The following ZNF710 variants were observed in gnomAD, a reference collection of about 807,000 sequenced individuals.
The protein encoded by ZNF710 is zinc finger protein 710.
ZNF710 carries 13 observed loss-of-function variants against 50.6 expected under a neutral mutation model. The ratio of observed to expected loss-of-function variants is 0.26; its 90% CI spans 0.17 to 0.41. ZNF710 has a LOEUF of 0.41. Ranked by LOEUF, ZNF710 falls within the 10% of genes least tolerant of loss-of-function variation. The probability of loss-of-function intolerance (pLI) is 1.00; values close to 1 mark genes in which losing one functional copy is unlikely to be tolerated. For synonymous variants in ZNF710, 383 were observed against 397.0 expected (o/e 0.96, Z 0.42); for missense variants, 721 against 936.6 (o/e 0.77, Z 3.01).
Position 90,068,123 on chromosome 15 carries a change from G to T in ZNF710, c.986G>T (p.Ser329Ile). 6.2e-7 allele frequency: 1 copy of T among 1,614,256 alleles called. No homozygotes were observed. ...AAGCCACACTCGTGCCCACACTGCA[G>T]CAAGCTCTTCAAGCAGCCCAGCCAC... The part of the protein sequence containing the change: ...GIKPHSCPHC[S>I]KLFKQPSHLQ... Residue 329 changes from serine to isoleucine, a missense_variant, in exon 2 of 5, where the codon AGC becomes ATC. This residue lies in a region of ZNF710 where 326 missense variants were observed against 522.0 expected (regional missense o/e 0.62). Transcript: ENST00000268154. The surrounding 1 kb of genome is among the most constrained non-coding windows in gnomAD (Gnocchi z 5.0).
chr15:90,022,355 G>T (rs1412590324), intron 1 of ZNF710, among the ~76,000 whole-genome samples: 4 of 152,068 alleles, frequency 2.6e-5, no homozygotes, highest in African/African-American at 9.7e-5. Context: ...CAGCCTGGGG[G>T]ACAGAGTGAG....
chr15:90,035,623 C>T (rs1899098553), intron 1 of ZNF710, among the ~76,000 whole-genome samples: 1 of 152,256 alleles, frequency 6.6e-6, no homozygotes, highest in African/African-American at 2.4e-5. Context: ...GCCGGGCTCT[C>T]TAGCTGGGGC....
rs1472440464 is a variant in ZNF710, at chr15:90,067,896, G to A, written c.759G>A (p.Glu253=). 2.5e-6 allele frequency: 4 copies of A among 1,613,220 alleles called. No individual in the cohort carries two copies. In the South Asian group the frequency reaches 4.4e-5, roughly 18 times the overall value. Residue 253 remains glutamate (E), a synonymous_variant, in exon 2 of 5, where the codon GAG becomes GAA. Coordinates refer to ENST00000268154, the MANE Select transcript of ZNF710 (RefSeq NM_198526.4). The surrounding 1 kb of genome is among the most constrained non-coding windows in gnomAD (Gnocchi z 8.1). ...EQGFVWQEAS[E]FEADTAGSTV... Reference sequence around the variant, plus strand: ...GCTTCGTGTGGCAGGAGGCCAGTGAGTTCGAGGCTGACACGGCGGGTTCGA... The same window carrying A: ...GCTTCGTGTGGCAGGAGGCCAGTGAATTCGAGGCTGACACGGCGGGTTCGA...
chr15:90,028,053 C>G (rs1362793713), intron 1 of ZNF710, among the ~76,000 whole-genome samples: 1 of 152,012 alleles, frequency 6.6e-6, no homozygotes, highest in East Asian at 1.9e-4. Flanking sequence ...GAATGCAATA[C>G]AAGTTTTGAA....
chr15:90,028,676 C>T (rs766624646), intron 1 of ZNF710, among the ~76,000 whole-genome samples: 4 of 152,148 alleles, frequency 2.6e-5, no homozygotes, highest in Admixed American at 6.5e-5. Flanking sequence ...CTTCTCTGTG[C>T]GTGAATGCAT....
intron 1 of ZNF710, among the ~76,000 whole-genome samples, chr15:90,016,152 A>AT (rs879256684): frequency 3.3e-5 from 5 of 151,974 alleles, no homozygotes; most frequent in Non-Finnish European, 5.9e-5. Flanking sequence ...CTACCTAATA[A>AT]TTTTTTTTAA....
At chr15:90,079,100 G>A (rs1289986464) in intron 4 of ZNF710, among the ~76,000 whole-genome samples, 2 of 152,216 alleles carry the variant, frequency 1.3e-5, no homozygotes, top group East Asian at 3.8e-4. Context: ...CTCCCGCAGT[G>A]TGAGGCAGAG....
intron 1 of ZNF710, among the ~76,000 whole-genome samples, chr15:90,009,493 C>T (rs998430331): frequency 6.6e-6 from 1 of 152,152 alleles, no homozygotes; most frequent in Admixed American, 6.5e-5. Flanking sequence ...CCTCCCACTA[C>T]ACAGCACTCC....
intron 1 of ZNF710, among the ~76,000 whole-genome samples, chr15:90,030,470 T>TA (rs1027797250): frequency 2.6e-5 from 4 of 152,026 alleles, no homozygotes; most frequent in African/African-American, 4.8e-5. Flanking sequence ...CAGCAAATCG[T>TA]AAGCCTTCTG....
At chr15:90,010,407 G>T (rs960458831) in intron 1 of ZNF710, among the ~76,000 whole-genome samples, 4 of 152,046 alleles carry the variant, frequency 2.6e-5, no homozygotes, top group Non-Finnish European at 5.9e-5. Context: ...TCCCACCTCC[G>T]CCTCCCAAGT....
chr15:90,033,507 G>T (rs552850320), intron 1 of ZNF710, among the ~76,000 whole-genome samples: 1 of 152,112 alleles, frequency 6.6e-6, no homozygotes, highest in East Asian at 1.9e-4. Flanking sequence ...TAGGCTAGCC[G>T]GCTACTCCAC....
At chr15:90,066,255 G>A (rs1173415602) in intron 1 of ZNF710, among the ~76,000 whole-genome samples, 2 of 152,000 alleles carry the variant, frequency 1.3e-5, no homozygotes, top group East Asian at 1.9e-4. Flanking sequence ...ATACGTTCTC[G>A]TTCATACAGC....
At chr15:90,054,988 G>A (rs1479992450) in intron 1 of ZNF710, among the ~76,000 whole-genome samples, 2 of 152,144 alleles carry the variant, frequency 1.3e-5, no homozygotes, top group Non-Finnish European at 2.9e-5. Flanking sequence ...GGGTATTCTC[G>A]AAAGGGCAAC....
intron 1 of ZNF710, among the ~76,000 whole-genome samples, chr15:90,042,766 T>G (rs1424084080): frequency 6.6e-6 from 1 of 152,184 alleles, no homozygotes; most frequent in Non-Finnish European, 1.5e-5. Flanking sequence ...GTGTGGGCAT[T>G]TGCCGGCACG....
chr15:90,001,092 AAAGGAGG>A (rs1234645167), upstream of ZNF710, among the ~76,000 whole-genome samples: 1 of 152,226 alleles, frequency 6.6e-6, no homozygotes, highest in Non-Finnish European at 1.5e-5. Context: ...GAGAAATAAG[AAAGGAGG>A]AAGAAGGAAG....
Position 90,068,516 on chromosome 15 carries a change from T to C in ZNF710, c.1379T>C (p.Val460Ala). ...AACCACATGCTCAAGCACCAGAACG[T>C]GCGACCCTTCGTGTGCACTGAATGC... The part of the protein sequence containing the change: ...LQNHMLKHQN[V>A]RPFVCTECGM... The change falls in exon 2 of 5, where the codon GTG becomes GCG. Residue 460 changes from valine (V) to alanine (A), a missense_variant. Val to Ala is a moderately conservative substitution (Grantham distance 64). Transcript: ENST00000268154. The surrounding 1 kb of genome is among the most constrained non-coding windows in gnomAD (Gnocchi z 5.0). The C allele has an allele frequency of 6.2e-7, 1 of 1,613,436 alleles. No homozygotes were observed. Among genetic ancestry groups the C allele is most frequent in the Non-Finnish European group, 8.5e-7 (1 of 1,180,036 alleles).
At chr15:90,021,646 G>A (rs540025727) in intron 1 of ZNF710, among the ~76,000 whole-genome samples, 1 of 152,302 alleles carries the variant, frequency 6.6e-6, no homozygotes, top group East Asian at 1.9e-4. Flanking sequence ...TCTCTCCCCA[G>A]TGAGCCCCCA....
chr15:90,021,468 C>T (rs1048629944), intron 1 of ZNF710, among the ~76,000 whole-genome samples: 1 of 152,208 alleles, frequency 6.6e-6, no homozygotes, highest in African/African-American at 2.4e-5. Flanking sequence ...CTATTACCTG[C>T]GGACCGCGGT....
chr15:90,054,407 T>C (rs1306684760), intron 1 of ZNF710, among the ~76,000 whole-genome samples: 1 of 151,940 alleles, frequency 6.6e-6, no homozygotes, highest in East Asian at 1.9e-4. Context: ...GGCCCCGGTG[T>C]GGGAAAACAG....
Sources: gnomAD v4.1 joint callset for allele counts (sites outside exome capture counted in the v4.1 genomes callset) on GRCh38, gnomAD v4.1.1 for gene constraint, gnomAD v4.1.1 regional missense constraint, Gnocchi (gnomAD v3.1) non-coding constraint, MANE v1.5 for transcripts, NCBI Gene and HGNC (gene_info 2026-07-23, HGNC 2026-07-21) for gene names.